The following CHEK1 variants were observed in gnomAD, a reference collection of about 807,000 sequenced individuals.
The protein encoded by CHEK1 is serine/threonine-protein kinase Chk1.
CHEK1 carries 32 observed loss-of-function variants against 60.2 expected under a neutral mutation model. That is an observed-to-expected ratio of 0.53 (90% CI 0.40 to 0.71). The LOEUF (loss-of-function observed/expected upper bound fraction) is 0.71, where lower values mean the gene tolerates loss of function less well. CHEK1 is among the 30% of genes least tolerant of loss of function. CHEK1 has a pLI of 0.00. For synonymous variants in CHEK1, 179 were observed against 187.2 expected, an observed-to-expected ratio of 0.96 and a Z score of 0.36; for missense variants, 399 against 564.6, an observed-to-expected ratio of 0.71 and a Z score of 2.97.
exon 14 of CHEK1, chr11:125,676,108 A>T (rs1942493615): frequency 5.5e-6 from 2 of 365,300 alleles, no homozygotes; most frequent in South Asian, 8.7e-5. Flanking sequence ...GGGTTTTTTC[A>T]TGTTGGCCAG....
rs1383668839 is a variant in CHEK1 at position 125,643,795 on chromosome 11, C to A, written c.818C>A (p.Ala273Glu). 1 of 1,609,592 alleles carries A rather than the reference C, an allele frequency of 6.2e-7. No individual in the cohort carries two copies. The highest frequency in any genetic ancestry group is 2.2e-5 in the East Asian group (1 of 44,842). ...RWYNKPLKKG[A>E]KRPRVTSGGV... The stretch of plus-strand genomic sequence containing the variant: ...TTGTATTTGTTTTCTTTTTTAGGGG[C>A]AAAAAGGCCCCGAGTCACTTCAGGT... Residue 273 changes from alanine to glutamate, a missense_variant, in exon 9 of 13, where the codon GCA (alanine) becomes GAA (glutamate). By Grantham distance (107) the Ala-to-Glu change is moderately radical. This residue lies in a region of CHEK1 where 370 missense variants were observed against 494.8 expected (regional missense o/e 0.75). Transcript: ENST00000438015.
intron 8 of CHEK1, chr11:125,642,882 A>T (rs532155355): frequency 5.5e-4 from 84 of 152,322 alleles, no homozygotes; most frequent in African/African-American, 1.9e-3. Flanking sequence ...GAATTACAGA[A>T]AAGTGTAGTT....
chr11:125,658,281 C>T (rs967805615), downstream of CHEK1, among the ~76,000 whole-genome samples: 1 of 152,162 alleles, frequency 6.6e-6, no homozygotes, highest in African/African-American at 2.4e-5. Context: ...GTTGCCCAGT[C>T]TGGTCTAGTC....
chr11:125,658,072 G>GT (rs887206468), downstream of CHEK1, among the ~76,000 whole-genome samples: 21 of 151,246 alleles, frequency 1.4e-4, no homozygotes, highest in African/African-American at 4.4e-4. Context: ...TTTTGTTAAT[G>GT]TTTTTTTTTC....
intron 13 of CHEK1, among the ~76,000 whole-genome samples, chr11:125,671,006 A>G (rs971580692): frequency 2.6e-5 from 4 of 152,032 alleles, no homozygotes; most frequent in African/African-American, 9.7e-5. Flanking sequence ...TCCTGGGCTC[A>G]AGTGATTATC....
At chr11:125,664,380 C>T (rs1043415425) in intron 13 of CHEK1, among the ~76,000 whole-genome samples, 3 of 151,652 alleles carry the variant, frequency 2.0e-5, no homozygotes, top group Non-Finnish European at 4.4e-5. Flanking sequence ...ATTACAGGCA[C>T]CCGCCACTAC....
At chr11:125,675,311 C>G (rs1227634237) in intron 13 of CHEK1, among the ~76,000 whole-genome samples, 1 of 152,150 alleles carries the variant, frequency 6.6e-6, no homozygotes, top group East Asian at 1.9e-4. Flanking sequence ...TTATATGTGC[C>G]TTTCTTAAGA....
At chr11:125,647,795 T>C (rs994499239) in intron 11 of CHEK1, among the ~76,000 whole-genome samples, 1 of 152,212 alleles carries the variant, frequency 6.6e-6, no homozygotes, top group Non-Finnish European at 1.5e-5. Flanking sequence ...TGAAGGTAAT[T>C]TTATACAATG....
At chr11:125,666,627 C>T (rs986702240) in intron 13 of CHEK1, among the ~76,000 whole-genome samples, 1 of 152,092 alleles carries the variant, frequency 6.6e-6, no homozygotes, top group Non-Finnish European at 1.5e-5. Context: ...TGCAGTCGGT[C>T]TCTTCCTTTA....
intron 8 of CHEK1, among the ~76,000 whole-genome samples, chr11:125,640,457 C>G (rs1471999268): frequency 2.1e-5 from 3 of 145,320 alleles, no homozygotes; most frequent in Admixed American, 2.1e-4. Flanking sequence ...AAGAGAATGG[C>G]GTGAACCCCG....
chr11:125,629,351 T>C (rs777189541), intron 4 of CHEK1, 40 bp from the exon 5 acceptor site: 27 of 1,611,880 alleles, frequency 1.7e-5, no homozygotes, highest in Non-Finnish European at 2.3e-5. Flanking sequence ...ATACATTACA[T>C]TACCAAATTC....
chr11:125,659,006 T>G (rs1251759039), downstream of CHEK1, among the ~76,000 whole-genome samples: 2 of 152,136 alleles, frequency 1.3e-5, no homozygotes, highest in African/African-American at 4.8e-5. Flanking sequence ...TTGGCTGATT[T>G]AGGTCTATAA....
chr11:125,642,696 C>A (rs1941352808), intron 8 of CHEK1, among the ~76,000 whole-genome samples: 1 of 151,908 alleles, frequency 6.6e-6, no homozygotes, highest in South Asian at 2.1e-4. Context: ...GGTATGGGCT[C>A]CAGAGCACAA....
intron 13 of CHEK1, among the ~76,000 whole-genome samples, chr11:125,673,562 ACTC>A (rs565535905): frequency 1.5e-4 from 22 of 151,506 alleles, no homozygotes; most frequent in Admixed American, 6.6e-4. Context: ...CTGCTCATCT[ACTC>A]CTCTGGATCC....
At chr11:125,638,711 C>G (rs3731430) in intron 8 of CHEK1, among the ~76,000 whole-genome samples, 2,673 of 152,208 alleles carry the variant, frequency 0.018, 73 homozygotes, top group African/African-American at 0.059. Flanking sequence ...CTCCCATCTT[C>G]CTTTATGTCT....
At position 125,653,832 on chromosome 11, in the gene CHEK1, C is replaced by T. The variant is rs761846104; in HGVS notation, c.1320C>T (p.Asp440=). Residue 440 remains aspartate (D), a synonymous_variant, in exon 12 of 13, where the codon GAC becomes GAT. Coordinates refer to ENST00000438015, the MANE Select transcript of CHEK1 (RefSeq NM_001114122.3). This position sits in a 1 kb window ranked among gnomAD's most constrained non-coding sequence, Gnocchi z 4.3. ...LLEMDDKILV[D]FRLSKGDGLE... Reference sequence around the variant, plus strand: ...AAATGGATGATAAAATATTGGTTGACTTCCGGCTTTCTAAGGTATTTTTAT... The same window carrying T: ...AAATGGATGATAAAATATTGGTTGATTTCCGGCTTTCTAAGGTATTTTTAT... 6 of 1,554,284 alleles carry T rather than the reference C, an allele frequency of 3.9e-6. No individual in the cohort carries two copies. In the African/African-American group the frequency reaches 8.2e-5, roughly 21 times the overall value.
downstream of CHEK1, among the ~76,000 whole-genome samples, chr11:125,661,742 T>C (rs769260462): frequency 6.6e-6 from 1 of 152,230 alleles, no homozygotes; most frequent in Non-Finnish European, 1.5e-5. Context: ...AGTCAGTCTC[T>C]TGTCCTCTTT....
At chr11:125,646,835 T>G (rs534366809) in intron 11 of CHEK1, among the ~76,000 whole-genome samples, 1 of 152,294 alleles carries the variant, frequency 6.6e-6, no homozygotes, top group South Asian at 2.1e-4. Context: ...TAGAGTTCTT[T>G]TACATTCTGG....
At chr11:125,629,177 G>A (rs544041747) in intron 3 of CHEK1, 55 bp from the exon 4 acceptor site, 4 of 1,529,328 alleles carry the variant, frequency 2.6e-6, no homozygotes, top group African/African-American at 1.4e-5. Flanking sequence ...AAGAAGCTAT[G>A]TGGTTGCTAC....
Sources: gnomAD v4.1 joint callset for allele counts (sites outside exome capture counted in the v4.1 genomes callset) on GRCh38, gnomAD v4.1.1 for gene constraint, gnomAD v4.1.1 regional missense constraint, Gnocchi (gnomAD v3.1) non-coding constraint, MANE v1.5 for transcripts, NCBI Gene and HGNC (gene_info 2026-07-23, HGNC 2026-07-21) for gene names.